Variants in HTRA1 observed in about 807,000 individuals in gnomAD.
HTRA1 encodes HtrA serine peptidase 1.
A neutral mutation model predicts 49.7 loss-of-function variants in HTRA1; 26 were observed. That is an observed-to-expected ratio of 0.52 (90% CI 0.38 to 0.73). HTRA1 has a LOEUF of 0.73. Ranked by LOEUF, HTRA1 falls within the 30% of genes least tolerant of loss-of-function variation. The probability of loss-of-function intolerance (pLI) is 0.00; values close to 1 mark genes in which losing one functional copy is unlikely to be tolerated. For synonymous variants in HTRA1, 291 were observed against 286.9 expected (o/e 1.01, Z -0.14); for missense variants, 561 against 667.2 (o/e 0.84, Z 1.75).
Position 122,487,346 on chromosome 10 carries a change from C to T in HTRA1, c.473-1556C>T, listed in dbSNP as rs2268347. ...AGCAGCAGGTGGCAAGATTAGGAGC[C>T]GGAGTAGTAGGCTAAGGCTGCACTT... is the stretch of plus-strand genomic sequence containing the variant. On this transcript the variant is annotated intron_variant, in intron 1 of 8. Coordinates refer to ENST00000368984, the MANE Select transcript of HTRA1 (RefSeq NM_002775.5). This position sits in a 1 kb window ranked among gnomAD's most constrained non-coding sequence, Gnocchi z 4.8. 0.064 allele frequency among the ~76,000 whole-genome samples: 9,788 copies of T among 152,152 alleles called. 357 individuals are homozygous for T. The highest frequency in any genetic ancestry group is 0.079 in the African/African-American group (3,267 of 41,514).
rs774107391 is a variant in HTRA1, at chr10:122,489,494, C to T, written c.645C>T (p.Ile215=). The T allele has an allele frequency of 3.7e-6, 6 of 1,614,112 alleles. No homozygotes were observed. The highest frequency in any genetic ancestry group is 2.2e-5 in the South Asian group (2 of 91,070). Residue 215 remains isoleucine (I), a synonymous_variant, in exon 3 of 9, where the codon ATC becomes ATT. Coordinates refer to ENST00000368984, the MANE Select transcript of HTRA1 (RefSeq NM_002775.5). The stretch of plus-strand genomic sequence containing the variant: ...TTATTGTGTCGGAAGATGGACTGAT[C>T]GTGACAAATGCCCACGTGGTGACCA... ...SGFIVSEDGL[I]VTNAHVVTNK...
chr10:122,484,826 C>A (rs2097492427), intron 1 of HTRA1, among the ~76,000 whole-genome samples: 1 of 152,196 alleles, frequency 6.6e-6, no homozygotes, highest in Non-Finnish European at 1.5e-5. Context: ...TCTCCTCATG[C>A]TGATAGACGA....
rs576385285 is a variant in HTRA1 at position 122,484,764 on chromosome 10, C to T, written c.473-4138C>T. ...CCAAGGCCACACAGCTAGTGAGTACCCTGCTGAGGGTCACACTCTGGTCCA... is the reference window on the plus strand; with the variant it reads ...CCAAGGCCACACAGCTAGTGAGTACTCTGCTGAGGGTCACACTCTGGTCCA... On this transcript the variant is annotated intron_variant, in intron 1 of 8. Transcript: ENST00000368984. Among the ~76,000 whole-genome samples, 8 of 152,292 alleles carry T rather than the reference C, an allele frequency of 5.3e-5. No individual in the cohort carries two copies. In the East Asian group the frequency reaches 1.4e-3, roughly 26 times the overall value.
chr10:122,501,961 GTTTTTTTTTTTTTTTTTT>G (rs541582341), intron 3 of HTRA1, among the ~76,000 whole-genome samples: 10 of 73,536 alleles, frequency 1.4e-4, no homozygotes, highest in South Asian at 6.6e-4. Context: ...TCCATTTGGA[GTTTTTTTTTTTTTTTTTT>G]TTTTTTTTTT....
chr10:122,466,673 C>A (rs2097483923), intron 1 of HTRA1, among the ~76,000 whole-genome samples: 1 of 152,100 alleles, frequency 6.6e-6, no homozygotes, highest in African/African-American at 2.4e-5. Flanking sequence ...TTAAAGTGGG[C>A]AGTTTGCTCG....
At chr10:122,472,183 A>G (rs2133911291) in intron 1 of HTRA1, among the ~76,000 whole-genome samples, 1 of 150,494 alleles carries the variant, frequency 6.6e-6, no homozygotes, top group Non-Finnish European at 1.5e-5. Context: ...TAGCATAAGG[A>G]CTCTTTTTTT....
intron 1 of HTRA1, among the ~76,000 whole-genome samples, chr10:122,476,125 G>C (rs1304001980): frequency 1.3e-5 from 2 of 152,122 alleles, no homozygotes; most frequent in Non-Finnish European, 2.9e-5. Context: ...TTTTAAAACT[G>C]ATTTCTCTCC....
intron 1 of HTRA1, among the ~76,000 whole-genome samples, chr10:122,465,382 T>G (rs1036214426): frequency 6.6e-5 from 10 of 152,218 alleles, no homozygotes; most frequent in Non-Finnish European, 1.3e-4. Context: ...GGGTGCATAC[T>G]AATTCATTTG....
Position 122,508,744 on chromosome 10 carries a change from C to A in HTRA1, c.1094C>A (p.Thr365Lys). ...TCTGATAAGATTAAAAAGTTCCTCA[C>A]GGAGTCCCATGACCGACAGGCCAAA... Reference protein sequence around the residue: ...IPSDKIKKFLTESHDRQAKGK... With the variant: ...IPSDKIKKFLKESHDRQAKGK... The change falls in exon 6 of 9, where the codon ACG becomes AAG. Residue 365 changes from threonine (T) to lysine (K), a missense_variant. Physicochemically the swap from Thr to Lys is moderately conservative, Grantham distance 78. Around this residue, in one of 3 missense-constraint regions of HTRA1, gnomAD observed 179 missense variants for 173.4 expected, o/e 1.03. Transcript: ENST00000368984. 1 of 1,612,738 alleles carries A rather than the reference C, an allele frequency of 6.2e-7. No individual in the cohort carries two copies.
chr10:122,483,027 T>C (rs1221889878), intron 1 of HTRA1, among the ~76,000 whole-genome samples: 1 of 152,186 alleles, frequency 6.6e-6, no homozygotes, highest in Non-Finnish European at 1.5e-5. Flanking sequence ...ACTGTGATTT[T>C]CATTTTTACT....
chr10:122,491,604 A>G (rs1309011288), intron 3 of HTRA1, among the ~76,000 whole-genome samples: 2 of 152,198 alleles, frequency 1.3e-5, no homozygotes, highest in African/African-American at 4.8e-5. Flanking sequence ...GCCGGGGGAT[A>G]TTCTTTTCCA....
chr10:122,476,098 A>C (rs1025645843), intron 1 of HTRA1, among the ~76,000 whole-genome samples: 3 of 152,072 alleles, frequency 2.0e-5, no homozygotes, highest in African/African-American at 4.8e-5. Flanking sequence ...TTCATGCCTC[A>C]CTGGCCATTA....
rs1375306253 is a variant in HTRA1, at chr10:122,464,124, G to A, written c.472+2000G>A. ...TACTGCAATAATCTGGGTGTGAGGC[G>A]ACAACATTGAAAAAGCATGTTTTTG... On this transcript the variant is annotated intron_variant, in intron 1 of 8. Coordinates refer to ENST00000368984, the MANE Select transcript of HTRA1 (RefSeq NM_002775.5). This position sits in a 1 kb window ranked among gnomAD's most constrained non-coding sequence, Gnocchi z 4.8. Among the ~76,000 whole-genome samples the A allele has an allele frequency of 1.3e-5, 2 of 152,188 alleles. No homozygotes were observed. Among genetic ancestry groups the A allele is most frequent in the Non-Finnish European group, 2.9e-5 (2 of 68,038 alleles).
At chr10:122,466,497 G>A (rs147781852) in intron 1 of HTRA1, among the ~76,000 whole-genome samples, 190 of 152,268 alleles carry the variant, frequency 1.2e-3, no homozygotes, top group African/African-American at 2.5e-3. Context: ...TGACTCTTTC[G>A]TGGGAACCTC....
chr10:122,485,899 G>A (rs1326611402), intron 1 of HTRA1, among the ~76,000 whole-genome samples: 1 of 152,142 alleles, frequency 6.6e-6, no homozygotes, highest in Non-Finnish European at 1.5e-5. Context: ...ACCTCTTCTT[G>A]GCCTTTCCCC....
intron 1 of HTRA1, among the ~76,000 whole-genome samples, chr10:122,485,688 T>C (rs2097492796): frequency 1.3e-5 from 2 of 152,196 alleles, no homozygotes; most frequent in Admixed American, 6.5e-5. Context: ...GAACTGCCTC[T>C]CATTTTACCC....
intron 1 of HTRA1, among the ~76,000 whole-genome samples, chr10:122,476,679 C>A (rs1228509347): frequency 1.3e-5 from 2 of 152,118 alleles, no homozygotes; most frequent in African/African-American, 4.8e-5. Flanking sequence ...TGCTATTGCA[C>A]CCCTGCCCCA....
chr10:122,472,031 G>A (rs1178395677), intron 1 of HTRA1, among the ~76,000 whole-genome samples: 1 of 152,096 alleles, frequency 6.6e-6, no homozygotes, highest in Admixed American at 6.5e-5. Flanking sequence ...GCCTTTGAAT[G>A]GTAATTATAA....
intron 7 of HTRA1, 107 bp from the exon 8 acceptor site, chr10:122,511,863 T>C: frequency 1.3e-6 from 1 of 782,200 alleles, no homozygotes. Flanking sequence ...CTGGAGGAAT[T>C]TTACCTTAGA....
Sources: allele counts gnomAD v4.1 joint callset (sites outside exome capture counted in the v4.1 genomes callset), GRCh38; gene constraint gnomAD v4.1.1; regional missense constraint gnomAD v4.1.1; non-coding constraint Gnocchi (gnomAD v3.1); transcripts MANE v1.5; gene names NCBI Gene and HGNC (gene_info 2026-07-23, HGNC 2026-07-21).